The following DLGAP2 variants were observed in gnomAD, a reference collection of about 807,000 sequenced individuals.
DLGAP2 encodes the protein DLG associated protein 2, also known as disks large-associated protein 2.
A neutral mutation model predicts 100.3 loss-of-function variants in DLGAP2; 26 were observed. The ratio of observed to expected loss-of-function variants is 0.26; its 90% CI spans 0.19 to 0.36. The LOEUF (loss-of-function observed/expected upper bound fraction) is 0.36, where lower values mean the gene tolerates loss of function less well. DLGAP2 is among the 10% of genes least tolerant of loss of function. The pLI, the probability that DLGAP2 is intolerant of heterozygous loss-of-function variation, is 1.00. For synonymous variants in DLGAP2, 886 were observed against 630.1 expected, an observed-to-expected ratio of 1.41 and a Z score of -6.08; for missense variants, 1,858 against 1,453.2, an observed-to-expected ratio of 1.28 and a Z score of -4.53.
chr8:868,488 A>C (rs1284382933), intron 1 of DLGAP2, among the ~76,000 whole-genome samples: 1 of 152,238 alleles, frequency 6.6e-6, no homozygotes, highest in East Asian at 1.9e-4. Flanking sequence ...TGAGCCGTGC[A>C]CTGTTTCACA....
intron 3 of DLGAP2, among the ~76,000 whole-genome samples, chr8:1,289,178 G>C (rs1220407194): frequency 6.6e-6 from 1 of 152,156 alleles, no homozygotes; most frequent in Non-Finnish European, 1.5e-5. Context: ...CTGTGTTTAT[G>C]TCCTAGTAAC....
chr8:1,424,658 G>C (rs558465243), intron 3 of DLGAP2, among the ~76,000 whole-genome samples: 4 of 151,968 alleles, frequency 2.6e-5, no homozygotes, highest in Non-Finnish European at 5.9e-5. Context: ...CAAGGATGGT[G>C]TGATCCCCTT....
At chr8:957,627 A>C (rs572942659) in intron 2 of DLGAP2, among the ~76,000 whole-genome samples, 1 of 152,188 alleles carries the variant, frequency 6.6e-6, no homozygotes, top group Non-Finnish European at 1.5e-5. Flanking sequence ...TTAGTGTTGA[A>C]ATAGTCAAAT....
At chr8:1,386,337 C>A (rs1241529002) in intron 3 of DLGAP2, among the ~76,000 whole-genome samples, 1 of 152,164 alleles carries the variant, frequency 6.6e-6, no homozygotes, top group Non-Finnish European at 1.5e-5. Context: ...ACAATGAATA[C>A]AACATAGGCC....
intron 3 of DLGAP2, among the ~76,000 whole-genome samples, chr8:1,314,967 C>T (rs910243145): frequency 1.3e-5 from 2 of 152,212 alleles, no homozygotes; most frequent in Admixed American, 6.5e-5. Flanking sequence ...GAAAGGGTGA[C>T]CTATCCCAGC....
intron 8 of DLGAP2, among the ~76,000 whole-genome samples, chr8:1,641,930 A>T (rs1486249022): frequency 9.6e-6 from 1 of 103,818 alleles, no homozygotes; most frequent in Non-Finnish European, 2.0e-5. Context: ...CACCTGTGTC[A>T]CCCTCGACCC....
intron 3 of DLGAP2, among the ~76,000 whole-genome samples, chr8:1,329,085 C>T (rs980872712): frequency 1.1e-4 from 17 of 152,126 alleles, no homozygotes; most frequent in Middle Eastern, 3.2e-3. Context: ...AGGTGACAAG[C>T]GACAAGCGAC....
chr8:945,094 C>T (rs187338249), intron 2 of DLGAP2, among the ~76,000 whole-genome samples: 42 of 152,308 alleles, frequency 2.8e-4, no homozygotes, highest in African/African-American at 9.6e-4. Context: ...AATTCTTTGA[C>T]AGAAACCTGT....
chr8:1,077,611 T>C (rs1803664116), intron 2 of DLGAP2, among the ~76,000 whole-genome samples: 1 of 152,160 alleles, frequency 6.6e-6, no homozygotes, highest in Non-Finnish European at 1.5e-5. Context: ...CGGGATTGTT[T>C]AAACCACCAA....
chr8:910,267 A>G (rs892904921), intron 2 of DLGAP2: 52 of 152,216 alleles, frequency 3.4e-4, no homozygotes, highest in African/African-American at 1.2e-3. Flanking sequence ...TATTTTAGAA[A>G]TGCTTTATAC....
At chr8:1,620,663 C>T (rs1419467897) in intron 6 of DLGAP2, 2 of 152,228 alleles carry the variant, frequency 1.3e-5, no homozygotes, top group African/African-American at 4.8e-5. Flanking sequence ...GGCTCTGTCC[C>T]TAAAATCCAA....
At chr8:1,370,047 GC>G (rs1802200764) in intron 3 of DLGAP2, among the ~76,000 whole-genome samples, 1 of 152,150 alleles carries the variant, frequency 6.6e-6, no homozygotes, top group Non-Finnish European at 1.5e-5. Context: ...TTGCGGTCCA[GC>G]CCCCATTGGC....
At chr8:1,032,110 G>C (rs1375610054) in intron 2 of DLGAP2, among the ~76,000 whole-genome samples, 1 of 152,244 alleles carries the variant, frequency 6.6e-6, no homozygotes, top group Admixed American at 6.5e-5. Context: ...ATCTGCCCCT[G>C]GGTCTGCAGT....
intron 4 of DLGAP2, among the ~76,000 whole-genome samples, chr8:1,529,124 A>C (rs762785736): frequency 6.6e-6 from 1 of 152,194 alleles, no homozygotes; most frequent in African/African-American, 2.4e-5. Context: ...ACAGTTCAGC[A>C]TGGCTGGTGA....
chr8:1,086,365 T>G (rs988712317), intron 2 of DLGAP2, among the ~76,000 whole-genome samples: 2 of 152,202 alleles, frequency 1.3e-5, no homozygotes, highest in African/African-American at 4.8e-5. Context: ...CTTTCAACTT[T>G]TCTACATTGA....
chr8:1,610,230 A>G (rs1023258215), intron 6 of DLGAP2, among the ~76,000 whole-genome samples: 16 of 152,262 alleles, frequency 1.1e-4, no homozygotes, highest in African/African-American at 3.9e-4. Context: ...CAGGATTAAG[A>G]ATCTCACTCA....
At chr8:1,220,341 AT>A (rs1798292446) in intron 2 of DLGAP2, among the ~76,000 whole-genome samples, 1 of 152,020 alleles carries the variant, frequency 6.6e-6, no homozygotes, top group African/African-American at 2.4e-5. Flanking sequence ...TAATGTTTGG[AT>A]TTCTACCTTC....
chr8:799,565 A>C (rs527373848), intron 1 of DLGAP2, among the ~76,000 whole-genome samples: 1 of 152,262 alleles, frequency 6.6e-6, no homozygotes, highest in Non-Finnish European at 1.5e-5. Context: ...GCAAAAATGC[A>C]TTTTGCAAAT....
chr8:809,093 C>T (rs1796321816), intron 1 of DLGAP2, among the ~76,000 whole-genome samples: 1 of 151,884 alleles, frequency 6.6e-6, no homozygotes, highest in Non-Finnish European at 1.5e-5. Flanking sequence ...TTTTAGTAGA[C>T]AGGATTTCAC....
Sources: allele counts gnomAD v4.1 joint callset (sites outside exome capture counted in the v4.1 genomes callset), GRCh38; gene constraint gnomAD v4.1.1; transcripts MANE v1.5; gene names NCBI Gene and HGNC (gene_info 2026-07-23, HGNC 2026-07-21).